PLXNA4: variants seen among roughly 807,000 people sequenced by gnomAD.
PLXNA4 encodes plexin A4, also known as plexin-A4.
In PLXNA4, 44 loss-of-function variants were observed where a neutral mutation model predicts 191.8. That is an observed-to-expected ratio of 0.23 (90% CI 0.18 to 0.29). The LOEUF is 0.29. Ranked by LOEUF, PLXNA4 falls within the 10% of genes least tolerant of loss-of-function variation. The pLI, the probability that PLXNA4 is intolerant of heterozygous loss-of-function variation, is 1.00. For missense variants in PLXNA4, 1,800 were observed against 2,488.8 expected (o/e 0.72, Z 5.89); for synonymous variants, 1,082 against 1,009.5 (o/e 1.07, Z -1.36).
intron 3 of PLXNA4, among the ~76,000 whole-genome samples, chr7:132,448,189 T>C (rs1289887864): frequency 3.3e-5 from 5 of 152,206 alleles, no homozygotes; most frequent in Admixed American, 6.5e-5. Flanking sequence ...AAGTTGGTTT[T>C]TTATGGAAGC....
intron 3 of PLXNA4, among the ~76,000 whole-genome samples, chr7:132,455,080 G>T (rs1458116246): frequency 6.6e-6 from 1 of 152,216 alleles, no homozygotes; most frequent in Non-Finnish European, 1.5e-5. Flanking sequence ...GTTGGGAGAC[G>T]TCTGGGAAAC....
At chr7:132,582,292 G>T (rs914893740), upstream of PLXNA4, among the ~76,000 whole-genome samples, 6 of 152,304 alleles carry the variant, frequency 3.9e-5, no homozygotes, top group South Asian at 1.0e-3. Context: ...AGATGGATTC[G>T]TGCTGATGGG....
chr7:132,588,108 G>T (rs116185326), intron 2 of PLXNA4, among the ~76,000 whole-genome samples: 2,861 of 151,926 alleles, frequency 0.019, 82 homozygotes, highest in African/African-American at 0.056. Context: ...CTGAAAGCTA[G>T]AACAGGGATC....
intron 3 of PLXNA4, among the ~76,000 whole-genome samples, chr7:132,305,405 C>T (rs1331805693): frequency 6.7e-6 from 1 of 148,964 alleles, no homozygotes; most frequent in Non-Finnish European, 1.5e-5. Context: ...CACACACACA[C>T]ACTCTACTCT....
chr7:132,483,044 G>A (rs1203369470), intron 3 of PLXNA4, among the ~76,000 whole-genome samples: 1 of 152,106 alleles, frequency 6.6e-6, no homozygotes, highest in Non-Finnish European at 1.5e-5. Context: ...AGCCAGAACT[G>A]CTGCGAAAAG....
chr7:132,175,337 G>A (rs1276066057), intron 20 of PLXNA4, among the ~76,000 whole-genome samples: 2 of 152,100 alleles, frequency 1.3e-5, no homozygotes, highest in East Asian at 3.9e-4. Context: ...CATTCCTGAT[G>A]CTGTGTTTTA....
Position 132,287,151 on chromosome 7 carries a change from C to T in PLXNA4, c.1503+10940G>A, listed in dbSNP as rs1019659359. On this transcript the variant is annotated intron_variant, in intron 4 of 31. Coordinates refer to ENST00000321063, the MANE Select transcript of PLXNA4 (RefSeq NM_020911.2). ...CTGGGTTCAAGTGATGCTCATGCCT[C>T]AGCCTTCCAGGTAGCTGAGACTATA... is the stretch of plus-strand genomic sequence containing the variant. Among the ~76,000 whole-genome samples the T allele has an allele frequency of 5.3e-5, 8 of 152,150 alleles. 1 individual carries two copies. Among genetic ancestry groups the T allele is most frequent in the Non-Finnish European group, 7.3e-5 (5 of 68,028 alleles).
At chr7:132,383,120 T>C (rs1405558635) in intron 3 of PLXNA4, among the ~76,000 whole-genome samples, 4 of 152,188 alleles carry the variant, frequency 2.6e-5, no homozygotes, top group Non-Finnish European at 5.9e-5. Flanking sequence ...AGGCTCATAT[T>C]GATCCCTCCA....
At chr7:132,602,945 G>A (rs996471461) in intron 2 of PLXNA4, among the ~76,000 whole-genome samples, 3 of 152,072 alleles carry the variant, frequency 2.0e-5, no homozygotes, top group African/African-American at 4.8e-5. Context: ...AAAAGAAAGA[G>A]AACTTCTCCC....
chr7:132,547,244 A>G (rs1349900777), intron 1 of PLXNA4, among the ~76,000 whole-genome samples: 1 of 152,226 alleles, frequency 6.6e-6, no homozygotes, highest in Non-Finnish European at 1.5e-5. Context: ...TAAGGAAGGC[A>G]TCATCACCCC....
At chr7:132,570,836 G>C (rs961102156) in intron 1 of PLXNA4, among the ~76,000 whole-genome samples, 4 of 152,190 alleles carry the variant, frequency 2.6e-5, no homozygotes, top group Admixed American at 1.3e-4. Context: ...CACCATAGAG[G>C]GGGAGGGGAA....
intron 1 of PLXNA4, among the ~76,000 whole-genome samples, chr7:132,567,794 A>G (rs894998419): frequency 6.6e-6 from 1 of 152,184 alleles, no homozygotes; most frequent in Non-Finnish European, 1.5e-5. Context: ...CTTCTTCACC[A>G]TTATTAAAAA....
At chr7:132,269,389 C>T (rs1406269110) in intron 4 of PLXNA4, among the ~76,000 whole-genome samples, 1 of 151,860 alleles carries the variant, frequency 6.6e-6, no homozygotes, top group Non-Finnish European at 1.5e-5. Flanking sequence ...TCTGCCCTCC[C>T]ATGACGACAG....
At chr7:132,559,439 C>T (rs1265283226) in intron 1 of PLXNA4, among the ~76,000 whole-genome samples, 1 of 152,186 alleles carries the variant, frequency 6.6e-6, no homozygotes, top group Non-Finnish European at 1.5e-5. Context: ...TGCAATTTTG[C>T]AGCTAAAGAC....
At chr7:132,221,808 C>T (rs972625541) in intron 9 of PLXNA4, among the ~76,000 whole-genome samples, 21 of 152,278 alleles carry the variant, frequency 1.4e-4, no homozygotes, top group Middle Eastern at 3.4e-3. Context: ...TGAACAGATT[C>T]CCACAGAGAG....
intron 3 of PLXNA4, among the ~76,000 whole-genome samples, chr7:132,331,236 A>G (rs1802578501): frequency 6.6e-6 from 1 of 152,268 alleles, no homozygotes; most frequent in South Asian, 2.1e-4. Flanking sequence ...TGAGAGCAGG[A>G]GGAAGATGGA....
chr7:132,574,694 G>A (rs1448385673), intron 1 of PLXNA4, among the ~76,000 whole-genome samples: 1 of 152,196 alleles, frequency 6.6e-6, no homozygotes, highest in Non-Finnish European at 1.5e-5. Flanking sequence ...AGCTCACACA[G>A]CACACAGCGG....
intron 1 of PLXNA4, among the ~76,000 whole-genome samples, chr7:132,541,441 G>T (rs1800081287): frequency 6.6e-6 from 1 of 152,218 alleles, no homozygotes; most frequent in Admixed American, 6.5e-5. Context: ...AACTTTACTG[G>T]CCCCAGGTCA....
intron 1 of PLXNA4, among the ~76,000 whole-genome samples, chr7:132,551,038 T>A (rs1352330680): frequency 1.3e-5 from 2 of 152,204 alleles, no homozygotes; most frequent in African/African-American, 4.8e-5. Flanking sequence ...GACCCACTTC[T>A]GGGCCTCTGC....
Sources: allele counts gnomAD v4.1 joint callset (sites outside exome capture counted in the v4.1 genomes callset), GRCh38; gene constraint gnomAD v4.1.1; transcripts MANE v1.5; gene names NCBI Gene and HGNC (gene_info 2026-07-23, HGNC 2026-07-21).